The following ARHGAP11A variants were observed in gnomAD, a reference collection of about 807,000 sequenced individuals.
ARHGAP11A encodes rho GTPase-activating protein 11A.
In ARHGAP11A, 36 loss-of-function variants were observed where a neutral mutation model predicts 60.5. The ratio of observed to expected loss-of-function variants is 0.59; its 90% CI spans 0.46 to 0.79. The LOEUF is 0.79. Among genes scored for constraint, ARHGAP11A ranks in the 30% least tolerant of loss-of-function variants. ARHGAP11A has a pLI of 0.00. For missense variants in ARHGAP11A, 1,071 were observed against 1,199.2 expected, an observed-to-expected ratio of 0.89 and a Z score of 1.58; for synonymous variants, 362 against 415.5, an observed-to-expected ratio of 0.87 and a Z score of 1.57.
rs1421992301 is a variant in ARHGAP11A at position 32,616,013 on chromosome 15, G to A, written c.-199G>A. On this transcript the variant is annotated 5_prime_UTR_variant, in exon 1 of 12. Transcript: ENST00000361627. ...TGGATCAAAGGGCTAAGAGAAGCGG[G>A]TCTGTGTAAGTGGATGTGAGTGAGG... 1.5e-6 allele frequency: 1 copy of A among 672,118 alleles called. No individual in the cohort carries two copies. The highest frequency in any genetic ancestry group is 2.5e-6 in the Non-Finnish European group (1 of 405,302). The allele number at this position is 672,118 out of a possible 1,614,324, so 41.6% of individuals were successfully genotyped here. A position where few individuals can be genotyped will look rare whatever the true frequency, so the allele number is the denominator to read the frequency against.
intron 1 of ARHGAP11A, among the ~76,000 whole-genome samples, chr15:32,617,390 A>G (rs2053178504): frequency 6.6e-6 from 1 of 151,058 alleles, no homozygotes; most frequent in Non-Finnish European, 1.5e-5. Context: ...TGGCTTTCCA[A>G]GATCTCAAAT....
chr15:32,625,465 A>T lies in ARHGAP11A; in HGVS notation c.716-22A>T, dbSNP rs1378101753. On this transcript the variant is annotated intron_variant, in intron 5 of 11. Transcript: ENST00000361627. The stretch of plus-strand genomic sequence containing the variant: ...GTGGAGGAAGGATAATAATTGTCTT[A>T]CTTGTGAACATTTTCATTTAGGGCG... 2.5e-6 allele frequency: 4 copies of T among 1,611,648 alleles called. No individual in the cohort carries two copies. In the African/African-American group the frequency reaches 4.0e-5, roughly 16 times the overall value.
chr15:32,627,824 T>TG (rs886157317), intron 6 of ARHGAP11A, among the ~76,000 whole-genome samples: 4 of 151,182 alleles, frequency 2.6e-5, no homozygotes, highest in Admixed American at 2.0e-4. Flanking sequence ...TTTTTTTTTT[T>TG]TTTGAGACGG....
In ARHGAP11A at chr15:32,625,466, C is replaced by A. The variant is rs761217348; in HGVS notation, c.716-21C>A. 14 of 1,612,468 alleles carry A rather than the reference C, an allele frequency of 8.7e-6. No individual in the cohort carries two copies. The South Asian group carries it at 9.9e-5, about 11-fold the overall frequency. ...TGGAGGAAGGATAATAATTGTCTTA[C>A]TTGTGAACATTTTCATTTAGGGCGT... On this transcript the variant is annotated intron_variant, in intron 5 of 11. Coordinates refer to ENST00000361627, the MANE Select transcript of ARHGAP11A (RefSeq NM_014783.6).
At chr15:32,636,008 A>G in intron 11 of ARHGAP11A, 93 bp downstream of exon 11, 1 of 1,443,794 alleles carries the variant, frequency 6.9e-7, no homozygotes, top group Non-Finnish European at 9.1e-7. Context: ...TTACTGTTCT[A>G]GAGATTAAAA....
rs142834091 is a variant in ARHGAP11A, at chr15:32,624,355, C to T, written c.480C>T (p.Ser160=). Residue 160 remains serine, a synonymous_variant, in exon 4 of 12, where the codon TCC becomes TCT. Transcript: ENST00000361627. ...EEKNKATLLL[S]CLLADHTVHV... ...AGAATAAAGCTACACTGTTGCTCTC[C>T]TGTCTTCTGGCTGACCACACAGTTC... The T allele has an allele frequency of 5.6e-6, 9 of 1,613,810 alleles. No homozygotes were observed. The highest frequency in any genetic ancestry group is 6.8e-6 in the Non-Finnish European group (8 of 1,179,872).
Position 32,616,005 on chromosome 15 carries a change from A to G in ARHGAP11A, c.-207A>G. ...GGTGTGGCTGGATCAAAGGGCTAAG[A>G]GAAGCGGGTCTGTGTAAGTGGATGT... is the stretch of plus-strand genomic sequence containing the variant. On this transcript the variant is annotated 5_prime_UTR_variant, in exon 1 of 12. Transcript: ENST00000361627. The G allele has an allele frequency of 6.1e-6, 4 of 654,356 alleles. No homozygotes were observed. In the South Asian group the frequency reaches 8.7e-5, roughly 14 times the overall value. The allele number at this position is 654,356 out of a possible 1,614,324, so 40.5% of individuals were successfully genotyped here. A position where few individuals can be genotyped will look rare whatever the true frequency, so the allele number is the denominator to read the frequency against.
chr15:32,631,533 T>C lies in ARHGAP11A; in HGVS notation c.1106-1446T>C, dbSNP rs569309235. The stretch of plus-strand genomic sequence containing the variant: ...CAGGCTGGTCTTGAACTCCCGACAT[T>C]AGCTGATCAACCTGCCTTGGTCTTC... On this transcript the variant is annotated intron_variant, in intron 8 of 11. Transcript: ENST00000361627. Among the ~76,000 whole-genome samples, 35 of 151,928 alleles carry C rather than the reference T, an allele frequency of 2.3e-4. 1 individual carries two copies. The highest frequency in any genetic ancestry group is 2.3e-3 in the Admixed American group (35 of 15,280).
chr15:32,631,298 CTTT>C (rs36081568), intron 8 of ARHGAP11A, among the ~76,000 whole-genome samples: 12 of 143,376 alleles, frequency 8.4e-5, no homozygotes, highest in South Asian at 2.2e-4. Context: ...ATAATTGTCT[CTTT>C]TTTTTTTTTT....
intron 8 of ARHGAP11A, 41 bp from the exon 9 acceptor site, chr15:32,632,938 A>G (rs2053616698): frequency 3.2e-6 from 5 of 1,539,552 alleles, no homozygotes; most frequent in Admixed American, 3.8e-5. Context: ...TTAAAAGGAA[A>G]ATAGATATGT....
At chr15:32,628,509 G>A (rs2053518115) in intron 6 of ARHGAP11A, among the ~76,000 whole-genome samples, 1 of 151,934 alleles carries the variant, frequency 6.6e-6, no homozygotes, top group South Asian at 2.1e-4. Context: ...TCTGTATTGT[G>A]TCTTTTTTAT....
At position 32,638,150 on chromosome 15, in the gene ARHGAP11A, T is replaced by C. The variant is rs140316283; in HGVS notation, c.*305T>C. On this transcript the variant is annotated 3_prime_UTR_variant, in exon 12 of 12. Transcript: ENST00000361627. ...CTGGAGTGCAGTGGCGCAATCTCAC[T>C]GCAAGCTCCACTTCCTGGGTTCATG... 0.021 allele frequency: 4,963 copies of C among 234,042 alleles called. 72 individuals carry two copies. Among genetic ancestry groups the C allele is most frequent in the Non-Finnish European group, 0.028 (3,426 of 121,952 alleles). 14.5% of individuals were successfully genotyped at this position (234,042 alleles called of 1,614,324 possible).
intron 1 of ARHGAP11A, among the ~76,000 whole-genome samples, chr15:32,617,498 G>GTC (rs1407607442): frequency 3.2e-5 from 4 of 124,822 alleles, no homozygotes; most frequent in Non-Finnish European, 4.9e-5. Context: ...TTGAGATGGA[G>GTC]TCTCCCTCTG....
At position 32,616,223 on chromosome 15, in the gene ARHGAP11A, G is replaced by T. The variant is rs761006120; in HGVS notation, c.12G>T (p.Gln4His). MWD[Q>H]RLVRLALLQH... is the part of the protein sequence containing the mutation. ...TCGACGTATCCGGAATGTGGGATCAGAGGCTGGTGAGGTTGGCCCTGTTGC... is the reference window on the plus strand; with the variant it reads ...TCGACGTATCCGGAATGTGGGATCATAGGCTGGTGAGGTTGGCCCTGTTGC... The change falls in exon 1 of 12, where the codon CAG (glutamine) becomes CAT (histidine). Residue 4 changes from glutamine (Q) to histidine (H), a missense_variant. Around this residue, in one of 4 missense-constraint regions of ARHGAP11A, gnomAD observed 28 missense variants for 24.5 expected, o/e 1.14. Coordinates refer to ENST00000361627, the MANE Select transcript of ARHGAP11A (RefSeq NM_014783.6). The T allele has an allele frequency of 6.2e-7, 1 of 1,614,186 alleles. No homozygotes were observed. The highest frequency in any genetic ancestry group is 1.3e-5 in the African/African-American group (1 of 75,046).
At chr15:32,626,334 A>G (rs2053457271) in intron 6 of ARHGAP11A, among the ~76,000 whole-genome samples, 1 of 152,196 alleles carries the variant, frequency 6.6e-6, no homozygotes, top group Non-Finnish European at 1.5e-5. Flanking sequence ...TGAAGGAAAT[A>G]TTATCAAGGA....
At chr15:32,619,664 C>T (rs1423440691) in intron 1 of ARHGAP11A, among the ~76,000 whole-genome samples, 2 of 151,988 alleles carry the variant, frequency 1.3e-5, no homozygotes. Context: ...TTTTGCTTTT[C>T]AATTGACTTA....
In ARHGAP11A at chr15:32,633,113, T is replaced by G. The variant is rs77409359; in HGVS notation, c.1235+5T>G. The G allele has an allele frequency of 3.3e-3, 5,390 of 1,613,906 alleles. 182 individuals are homozygous for G. The African/African-American group carries it at 0.064, about 19-fold the overall frequency. Reference sequence around the variant, plus strand: ...TGCAGGCAAAAAAGTTTGCAGGTACTTTATCCAGGACATTTTGTTTTCATC... The same window carrying G: ...TGCAGGCAAAAAAGTTTGCAGGTACGTTATCCAGGACATTTTGTTTTCATC... On this transcript the variant is annotated splice_donor_5th_base_variant and intron_variant, in intron 9 of 11. Transcript: ENST00000361627.
At position 32,624,299 on chromosome 15, in the gene ARHGAP11A, T is replaced by C. The variant is rs754125204; in HGVS notation, c.424T>C (p.Leu142=). 1.2e-6 allele frequency: 2 copies of C among 1,613,858 alleles called. No individual in the cohort carries two copies. The highest frequency in any genetic ancestry group is 3.3e-5 in the Admixed American group (2 of 60,002). The change falls in exon 4 of 12, where the codon TTG becomes CTG. Residue 142 remains leucine, a synonymous_variant. Coordinates refer to ENST00000361627, the MANE Select transcript of ARHGAP11A (RefSeq NM_014783.6). ...ILPADLHEAL[L]KAQQLGTEEK... is the part of the protein sequence containing the mutation. ...CCCAGCTGATTTGCATGAAGCACTT[T>C]TGAAAGCTCAACAGTTAGGCACAGA... is the stretch of plus-strand genomic sequence containing the variant.
chr15:32,635,094 G>C (rs1263990191), intron 10 of ARHGAP11A, among the ~76,000 whole-genome samples: 2 of 152,112 alleles, frequency 1.3e-5, no homozygotes, highest in African/African-American at 4.8e-5. Flanking sequence ...TTCTCATGTT[G>C]ACCTGCAAAG....
Sources: allele counts gnomAD v4.1 joint callset (sites outside exome capture counted in the v4.1 genomes callset), GRCh38; gene constraint gnomAD v4.1.1; regional missense constraint gnomAD v4.1.1; transcripts MANE v1.5; gene names NCBI Gene and HGNC (gene_info 2026-07-23, HGNC 2026-07-21).